Variants in SYT16 observed in about 807,000 individuals in gnomAD.
SYT16 encodes synaptotagmin-16.
Under a neutral mutation model 61.4 loss-of-function variants are expected in SYT16, and 42 were observed. The ratio of observed to expected loss-of-function variants is 0.68; its 90% CI spans 0.53 to 0.89. The LOEUF is 0.89. Among genes scored for constraint, SYT16 ranks in the 40% least tolerant of loss-of-function variants. SYT16 has a pLI of 0.00. For synonymous variants in SYT16, 314 were observed against 302.3 expected (o/e 1.04, Z -0.40); for missense variants, 804 against 807.3 (o/e 1.00, Z 0.05).
chr14:61,976,341 C>T (rs989680508), intron 2 of SYT16, among the ~76,000 whole-genome samples: 4 of 152,198 alleles, frequency 2.6e-5, no homozygotes, highest in African/African-American at 7.2e-5. Flanking sequence ...TAGGGGCCCT[C>T]TCCTTACAGA....
intron 1 of SYT16, among the ~76,000 whole-genome samples, chr14:61,924,710 C>T (rs1416811442): frequency 3.9e-5 from 6 of 152,050 alleles, no homozygotes; most frequent in Non-Finnish European, 8.8e-5. Context: ...AGAAATATTC[C>T]TCAGTTTCTT....
chr14:62,002,978 A>G (rs2053080830), intron 3 of SYT16, among the ~76,000 whole-genome samples: 1 of 152,228 alleles, frequency 6.6e-6, no homozygotes, highest in South Asian at 2.1e-4. Context: ...ATCAGAGCTC[A>G]TGAGAACTTA....
intron 7 of SYT16, among the ~76,000 whole-genome samples, chr14:62,090,587 C>A (rs901659212): frequency 6.6e-6 from 1 of 152,070 alleles, no homozygotes; most frequent in South Asian, 2.1e-4. Context: ...AGAGTCATGG[C>A]CATTTCATAT....
Position 62,104,671 on chromosome 14 carries a change from T to C in SYT16, c.*3964T>C, listed in dbSNP as rs1178658260. ...TATTTAAAGATGGGAGAAACGAAAC[T>C]GTGCTAAGACAATGAGATTGGCATA... is the stretch of plus-strand genomic sequence containing the variant. On this transcript the variant is annotated 3_prime_UTR_variant, in exon 8 of 8. Transcript: ENST00000683842. The C allele has an allele frequency of 6.6e-6, 1 of 152,230 alleles. No homozygotes were observed. Among genetic ancestry groups the C allele is most frequent in the Non-Finnish European group, 1.5e-5 (1 of 68,030 alleles). 9.4% of individuals were successfully genotyped at this position (152,230 alleles called of 1,614,324 possible).
intron 3 of SYT16, among the ~76,000 whole-genome samples, chr14:62,026,051 G>A (rs1053262215): frequency 6.6e-6 from 1 of 152,054 alleles, no homozygotes; most frequent in Admixed American, 6.6e-5. Flanking sequence ...AAAAAATTAG[G>A]TAGCTTTTCT....
intron 1 of SYT16, among the ~76,000 whole-genome samples, chr14:61,940,978 T>C (rs1176516528): frequency 1.3e-5 from 2 of 152,206 alleles, no homozygotes; most frequent in African/African-American, 4.8e-5. Flanking sequence ...TAGGGGAGAC[T>C]GTGACATTTG....
At chr14:61,845,937 T>C (rs553571719) in intron 1 of SYT16, among the ~76,000 whole-genome samples, 60 of 152,234 alleles carry the variant, frequency 3.9e-4, no homozygotes, top group Non-Finnish European at 6.8e-4. Context: ...CGTAGACCCA[T>C]TGGTCATTCA....
At chr14:62,068,804 TC>T in intron 3 of SYT16, among the ~76,000 whole-genome samples, 1 of 152,280 alleles carries the variant, frequency 6.6e-6, no homozygotes, top group East Asian at 1.9e-4. Context: ...CTCTTCTTTT[TC>T]TTTTTTTTGA....
At chr14:62,039,892 A>G (rs1254918) in intron 3 of SYT16, among the ~76,000 whole-genome samples, 65,364 of 148,120 alleles carry the variant, frequency 0.44, 15,007 homozygotes, top group Middle Eastern at 0.55. Context: ...CATACACACT[A>G]GATTTTACTG....
At chr14:62,032,351 T>C (rs1870862393) in intron 3 of SYT16, among the ~76,000 whole-genome samples, 2 of 152,104 alleles carry the variant, frequency 1.3e-5, no homozygotes. Context: ...CCTTTCTTGG[T>C]AAGATAAGAG....
At chr14:61,926,521 A>T (rs1425101166) in intron 1 of SYT16, among the ~76,000 whole-genome samples, 2 of 152,200 alleles carry the variant, frequency 1.3e-5, no homozygotes, top group Non-Finnish European at 1.5e-5. Flanking sequence ...CAGGAGAATA[A>T]GAGTGTAAAA....
chr14:61,824,566 A>T (rs1390018502), intron 1 of SYT16, among the ~76,000 whole-genome samples: 5 of 152,092 alleles, frequency 3.3e-5, no homozygotes, highest in Admixed American at 3.3e-4. Flanking sequence ...GTTAGCCAGG[A>T]TGGTCTCAAT....
intron 1 of SYT16, among the ~76,000 whole-genome samples, chr14:61,925,969 C>A (rs1341940767): frequency 6.6e-6 from 1 of 151,956 alleles, no homozygotes; most frequent in African/African-American, 2.4e-5. Flanking sequence ...TCTGTGAAGG[C>A]AGAGACTTCT....
intron 1 of SYT16, among the ~76,000 whole-genome samples, chr14:61,825,413 G>A (rs1481884819): frequency 6.6e-6 from 1 of 152,216 alleles, no homozygotes; most frequent in Non-Finnish European, 1.5e-5. Context: ...CCTGGCTGGG[G>A]CTCATGCCTG....
chr14:61,958,321 G>A (rs2050966557), intron 1 of SYT16, among the ~76,000 whole-genome samples: 1 of 150,186 alleles, frequency 6.7e-6, no homozygotes, highest in Non-Finnish European at 1.5e-5. Flanking sequence ...CTAATTTTTT[G>A]TTTAGTATTT....
chr14:62,089,213 G>A (rs1247115658), intron 7 of SYT16, among the ~76,000 whole-genome samples: 2 of 151,972 alleles, frequency 1.3e-5, no homozygotes, highest in African/African-American at 4.8e-5. Flanking sequence ...CAGCTACTTA[G>A]GAGGCTGAGG....
intron 1 of SYT16, among the ~76,000 whole-genome samples, chr14:61,867,574 A>C (rs1376582050): frequency 1.3e-5 from 2 of 152,082 alleles, no homozygotes; most frequent in Admixed American, 6.5e-5. Context: ...AATATACAAA[A>C]ATTGTTTTTC....
intron 7 of SYT16, among the ~76,000 whole-genome samples, chr14:62,092,256 A>AT (rs2057112986): frequency 6.6e-6 from 1 of 151,306 alleles, no homozygotes; most frequent in African/African-American, 2.4e-5. Flanking sequence ...ATGTGGAGAA[A>AT]TTGGAGCCCT....
At chr14:61,988,627 A>C (rs879537072) in intron 2 of SYT16, among the ~76,000 whole-genome samples, 9 of 152,230 alleles carry the variant, frequency 5.9e-5, no homozygotes, top group African/African-American at 9.6e-5. Context: ...AAATATATTT[A>C]AATATAACCC....
Sources: gnomAD v4.1 joint callset for allele counts (sites outside exome capture counted in the v4.1 genomes callset) on GRCh38, gnomAD v4.1.1 for gene constraint, MANE v1.5 for transcripts, NCBI Gene and HGNC (gene_info 2026-07-23, HGNC 2026-07-21) for gene names.